The following ASB10 variants were observed in gnomAD, a reference collection of about 807,000 sequenced individuals.
The protein encoded by ASB10 is ankyrin repeat and SOCS box containing 10.
A neutral mutation model predicts 35.4 loss-of-function variants in ASB10; 44 were observed. The ratio of observed to expected loss-of-function variants is 1.24; its 90% confidence interval spans 0.98 to 1.60. The LOEUF is 1.60. ASB10 is among the 40% of genes most tolerant of loss of function. The pLI is 0.00. For synonymous variants in ASB10, 294 were observed against 280.4 expected, an observed-to-expected ratio of 1.05 and a Z score of -0.49; for missense variants, 647 against 634.3, an observed-to-expected ratio of 1.02 and a Z score of -0.22.
At chr7:151,182,810 G>C (rs778034166) in intron 2 of ASB10, among the ~76,000 whole-genome samples, 1 of 152,166 alleles carries the variant, frequency 6.6e-6, no homozygotes, top group African/African-American at 2.4e-5. Flanking sequence ...ACCTGTCATC[G>C]TAAGGGCTCA....
At chr7:151,178,588 C>T (rs1464967524) in intron 3 of ASB10, among the ~76,000 whole-genome samples, 3 of 152,242 alleles carry the variant, frequency 2.0e-5, no homozygotes, top group South Asian at 4.1e-4. Context: ...ATCTCACACA[C>T]AACCCACATG....
In ASB10 at chr7:151,186,530, C is replaced by A. The variant is rs767142527; in HGVS notation, c.446G>T (p.Arg149Leu). ...RARPDSAPGG[R>L]TALHEACAAG... The stretch of plus-strand genomic sequence containing the variant: ...AGCACAGGCCTCGTGCAGGGCGGTG[C>A]GGCCCCCAGGGGCACTGTCTGGCCT... Residue 149 changes from arginine to leucine, a missense_variant, in exon 2 of 6, where the codon CGC (arginine) becomes CTC (leucine). Physicochemically the swap from Arg to Leu is moderately radical, Grantham distance 102. Coordinates refer to ENST00000420175, the MANE Select transcript of ASB10 (RefSeq NM_001142459.2). The A allele has an allele frequency of 1.2e-6, 2 of 1,602,810 alleles. No individual in the cohort carries two copies. Among genetic ancestry groups the A allele is most frequent in the Admixed American group, 1.7e-5 (1 of 58,482 alleles).
Position 151,181,218 on chromosome 7 carries a change from C to T in ASB10, c.825G>A (p.Gln275=), listed in dbSNP as rs375327115. The T allele has an allele frequency of 1.9e-6, 3 of 1,612,848 alleles. No individual in the cohort carries two copies. In the African/African-American group the frequency reaches 4.0e-5, roughly 22 times the overall value. The change falls in exon 3 of 6, where the codon CAG becomes CAA. Residue 275 remains glutamine (Q), a synonymous_variant. Coordinates refer to ENST00000420175, the MANE Select transcript of ASB10 (RefSeq NM_001142459.2). ...CAGCTGAAAGCAGCAAGCTGCACAG[C>T]TGCAGGCAGCGGGCGGTGGTGGCCT... The part of the protein sequence containing the change: ...DAEATTARCL[Q]LCSLLLSAGA...
chr7:151,184,182 G>A (rs1801544006), intron 2 of ASB10, among the ~76,000 whole-genome samples: 1 of 152,034 alleles, frequency 6.6e-6, no homozygotes. Flanking sequence ...GGGAGGCCGA[G>A]GTGGGTGGAT....
chr7:151,187,489 G>A (rs1435183988), upstream of ASB10: 5 of 1,551,188 alleles, frequency 3.2e-6, no homozygotes, highest in Non-Finnish European at 4.4e-6. This position sits in a 1 kb window ranked among gnomAD's most constrained non-coding sequence, Gnocchi z 5.3. Flanking sequence ...CTGCGGCCCG[G>A]CTCTCCAGCA....
chr7:151,181,883 G>C (rs1347747581), intron 2 of ASB10, among the ~76,000 whole-genome samples: 1 of 152,104 alleles, frequency 6.6e-6, no homozygotes, highest in East Asian at 1.9e-4. Flanking sequence ...CAAAGTGCTG[G>C]ATTATAGGCA....
chr7:151,176,551 T>C lies in ASB10; in HGVS notation c.1218+12A>G. ...GATGAGAAGCTCTATGTTCAGGGCC[T>C]TGGAATCTGACCTGCAGAGTTTCAG... On this transcript the variant is annotated intron_variant, in intron 4 of 5. Transcript: ENST00000420175. 1 of 1,548,122 alleles carries C rather than the reference T, an allele frequency of 6.5e-7. No individual in the cohort carries two copies. Among genetic ancestry groups the C allele is most frequent in the Non-Finnish European group, 8.7e-7 (1 of 1,144,364 alleles).
At chr7:151,182,665 C>G (rs563141271) in intron 2 of ASB10, among the ~76,000 whole-genome samples, 2 of 152,228 alleles carry the variant, frequency 1.3e-5, no homozygotes, top group Admixed American at 1.3e-4. Context: ...GTCACAGCAA[C>G]GTGTGTGCCT....
intron 3 of ASB10, among the ~76,000 whole-genome samples, chr7:151,179,213 T>C (rs1466900958): frequency 6.6e-6 from 1 of 152,230 alleles, no homozygotes; most frequent in Non-Finnish European, 1.5e-5. Flanking sequence ...GAAGAAGGCA[T>C]AGTATCATAT....
At chr7:151,187,480 T>G (rs780356285), upstream of ASB10, 2 of 1,551,284 alleles carry the variant, frequency 1.3e-6, no homozygotes, top group Non-Finnish European at 1.7e-6. This position sits in a 1 kb window ranked among gnomAD's most constrained non-coding sequence, Gnocchi z 5.3. Context: ...AGCGAGGCTC[T>G]GCGGCCCGGC....
At position 151,181,453 on chromosome 7, in the gene ASB10, G is replaced by A. The variant is rs151344607; in HGVS notation, c.590C>T (p.Ala197Val). Residue 197 changes from alanine (A) to valine (V), a missense_variant, in exon 3 of 6, where the codon GCG becomes GTG. Transcript: ENST00000420175. ...LCRGPGTLEC[A>V]ELLLRFGARV... Reference sequence around the variant, plus strand: ...CGCTCCAAACCTGAGGAGCAGCTCCGCACACCTATTGGGGGGAGACGGTGG... The same window carrying A: ...CGCTCCAAACCTGAGGAGCAGCTCCACACACCTATTGGGGGGAGACGGTGG... 24 of 1,588,118 alleles carry A rather than the reference G, an allele frequency of 1.5e-5. No homozygotes were observed. The highest frequency in any genetic ancestry group is 2.7e-5 in the African/African-American group (2 of 74,510).
chr7:151,179,783 G>T (rs959107461), intron 3 of ASB10, among the ~76,000 whole-genome samples: 2 of 152,170 alleles, frequency 1.3e-5, no homozygotes, highest in Non-Finnish European at 2.9e-5. Flanking sequence ...CGCTGCGCCG[G>T]GCCCTCCTCC....
rs1229191951 is a variant in ASB10 at position 151,186,382 on chromosome 7, G to T, written c.584+10C>A. The T allele has an allele frequency of 6.3e-7, 1 of 1,575,718 alleles. No homozygotes were observed. Among genetic ancestry groups the T allele is most frequent in the East Asian group, 2.3e-5 (1 of 42,942 alleles). On this transcript the variant is annotated intron_variant, in intron 2 of 5. Coordinates refer to ENST00000420175, the MANE Select transcript of ASB10 (RefSeq NM_001142459.2). ...AGTGGAACTGGGGGTTGGGGTGAGG[G>T]GTCACTCACTCAAGGGTGCCAGGCC... is the stretch of plus-strand genomic sequence containing the variant.
Position 151,176,121 on chromosome 7 carries a change from C to G in ASB10, c.1395G>C (p.Val465=). ...LRYLQLDFEG[V]LY ...AGATCCCGGGGCTCACCTAGTAGAG[C>G]ACGCCCTCAAAATCCAGCTGCAGGT... The change falls in exon 5 of 6, where the codon GTG becomes GTC. Residue 465 remains valine (V), a synonymous_variant. Coordinates refer to ENST00000420175, the MANE Select transcript of ASB10 (RefSeq NM_001142459.2). 6.2e-7 allele frequency: 1 copy of G among 1,611,430 alleles called. No homozygotes were observed.
Position 151,181,501 on chromosome 7 carries a change from C to A in ASB10, c.585-43G>T, listed in dbSNP as rs758665578. On this transcript the variant is annotated intron_variant, in intron 2 of 5. Transcript: ENST00000420175. ...TGGTGGGGAGGAAAGCGGGCACGGA[C>A]CCCTGGCAGGAACACACTTGGGTGG... 2.0e-5 allele frequency: 31 copies of A among 1,533,034 alleles called. 1 individual carries two copies. The South Asian group carries it at 3.5e-4, about 17-fold the overall frequency. 95.0% of individuals were successfully genotyped at this position (1,533,034 alleles called of 1,614,324 possible).
At chr7:151,186,771 C>T in intron 1 of ASB10, 44 bp downstream of exon 1, 11 of 1,537,170 alleles carry the variant, frequency 7.2e-6, no homozygotes, top group Non-Finnish European at 9.7e-6. Flanking sequence ...CATCTGCAGC[C>T]TCCCCTCTCT....
chr7:151,176,640 C>A lies in ASB10; in HGVS notation c.1141G>T (p.Glu381Ter), dbSNP rs754547437. 6 of 1,551,376 alleles carry A rather than the reference C, an allele frequency of 3.9e-6. No individual in the cohort carries two copies. The highest frequency in any genetic ancestry group is 5.2e-6 in the Non-Finnish European group (6 of 1,146,944). The change falls in exon 4 of 6, where the codon GAG becomes TAG. Residue 381 changes from glutamate to a stop codon, truncating the protein, a stop_gained. Transcript: ENST00000420175. LOFTEE classifies it high-confidence loss of function. ...ACACTGTAGGTGTTCATCAGGACCT[C>A]GATGGTCCGAGGGCACGTGCTCCAG... is the stretch of plus-strand genomic sequence containing the variant. ...ERWSTCPRTIEVLMNTYSVVQ... is the reference protein window; with the variant it reads ...ERWSTCPRTI
intron 2 of ASB10, among the ~76,000 whole-genome samples, chr7:151,182,782 G>T (rs1416075103): frequency 6.6e-6 from 1 of 152,082 alleles, no homozygotes; most frequent in African/African-American, 2.4e-5. Flanking sequence ...TGAGCAGCAC[G>T]TGAGACGACC....
chr7:151,177,269 T>C (rs1320569650), intron 3 of ASB10, among the ~76,000 whole-genome samples: 3 of 152,270 alleles, frequency 2.0e-5, no homozygotes, highest in Non-Finnish European at 2.9e-5. Flanking sequence ...ATGTATGAAC[T>C]CTTCACTGTT....
Sources: allele counts gnomAD v4.1 joint callset (sites outside exome capture counted in the v4.1 genomes callset), GRCh38; gene constraint gnomAD v4.1.1; non-coding constraint Gnocchi (gnomAD v3.1); transcripts MANE v1.5; gene names NCBI Gene and HGNC (gene_info 2026-07-23, HGNC 2026-07-21).